The following CPLANE1 variants were observed in gnomAD, a reference collection of about 807,000 sequenced individuals.
CPLANE1 encodes ciliogenesis and planar polarity effector complex subunit 1, also known as ciliogenesis and planar polarity effector 1.
A neutral mutation model predicts 362.5 loss-of-function variants in CPLANE1; 263 were observed. The observed-to-expected ratio is 0.73, with a 90% CI of 0.66 to 0.80. The LOEUF is 0.80. Ranked by LOEUF, CPLANE1 falls within the 30% of genes least tolerant of loss-of-function variation. The probability of loss-of-function intolerance (pLI) is 0.00; values close to 1 mark genes in which losing one functional copy is unlikely to be tolerated. For synonymous variants in CPLANE1, 1,212 were observed against 1,302.6 expected, an observed-to-expected ratio of 0.93 and a Z score of 1.50; for missense variants, 3,461 against 3,793.4, an observed-to-expected ratio of 0.91 and a Z score of 2.30.
intron 8 of CPLANE1, among the ~76,000 whole-genome samples, chr5:37,231,567 T>G (rs1797744179): frequency 6.6e-6 from 1 of 152,092 alleles, no homozygotes; most frequent in Non-Finnish European, 1.5e-5. Flanking sequence ...AATATATATA[T>G]ATTCCTAAAG....
chr5:37,105,382 C>A (rs1337675588), downstream of CPLANE1, among the ~76,000 whole-genome samples: 2 of 152,078 alleles, frequency 1.3e-5, no homozygotes, highest in African/African-American at 4.8e-5. Context: ...TTACAGCCAG[C>A]CCATTTTTGG....
chr5:37,227,510 G>A, intron 10 of CPLANE1, 58 bp downstream of exon 10: 1 of 1,492,802 alleles, frequency 6.7e-7, no homozygotes, highest in Non-Finnish European at 8.9e-7. Context: ...TGTCAGTAAA[G>A]TTTTAAATTT....
rs1471004012 is a variant in CPLANE1 at position 37,167,213 on chromosome 5, A to T, written c.7234T>A (p.Cys2412Ser). 1 of 1,603,110 alleles carries T rather than the reference A, an allele frequency of 6.2e-7. No homozygotes were observed. ...LHSHLSPENR[C>S]KKTQLIPLEN... ...AGTGGGATAAGTTGTGTTTTTTTGC[A>T]CTACAAGAAAGAAACAAAGCATAAG... is the stretch of plus-strand genomic sequence containing the variant. The change falls in exon 35 of 53, where the codon TGC (cysteine) becomes AGC (serine). Residue 2412 changes from cysteine (C) to serine (S), a missense_variant and splice_region_variant. Physicochemically the swap from Cys to Ser is moderately radical, Grantham distance 112. This residue lies in a region of CPLANE1 where 3,380 missense variants were observed against 3,666.1 expected (regional missense o/e 0.92). Transcript: ENST00000651892.
intron 40 of CPLANE1, 30 bp downstream of exon 40, chr5:37,157,640 A>T: frequency 6.3e-7 from 1 of 1,577,100 alleles, no homozygotes; most frequent in Non-Finnish European, 8.7e-7. Context: ...TTTTCAAATT[A>T]TATTTGTTTT....
chr5:37,209,904 G>A lies in CPLANE1; in HGVS notation c.2921-3479C>T. On this transcript the variant is annotated intron_variant, in intron 16 of 52. Coordinates refer to ENST00000651892, the MANE Select transcript of CPLANE1 (RefSeq NM_001384732.1). This position sits in a 1 kb window ranked among gnomAD's most constrained non-coding sequence, Gnocchi z 4.6. ...GGCTGAGAAGCTTCAGCTTATTGAT[G>A]ATCAGTTTGCAGATGCTTACCCTCA... is the stretch of plus-strand genomic sequence containing the variant. 7.0e-7 allele frequency: 1 copy of A among 1,433,014 alleles called. No homozygotes were observed. The highest frequency in any genetic ancestry group is 9.8e-7 in the Non-Finnish European group (1 of 1,016,940). 88.8% of individuals were successfully genotyped at this position (1,433,014 alleles called of 1,614,324 possible).
intron 1 of CPLANE1, among the ~76,000 whole-genome samples, 199 bp downstream of exon 1, chr5:37,249,046 G>T (rs10061109): frequency 0.013 from 2,026 of 152,326 alleles, 45 homozygotes; most frequent in African/African-American, 0.046. Flanking sequence ...GGGAGGCTGG[G>T]GTAGGCCCAG....
At chr5:37,166,029 A>G (rs1561464508) in intron 35 of CPLANE1, among the ~76,000 whole-genome samples, 1 of 152,164 alleles carries the variant, frequency 6.6e-6, no homozygotes, top group Admixed American at 6.5e-5. Context: ...CATTAAGCAC[A>G]CTTAGTCACC....
chr5:37,102,661 A>G (rs925397469), downstream of CPLANE1, among the ~76,000 whole-genome samples: 1 of 152,142 alleles, frequency 6.6e-6, no homozygotes, highest in Non-Finnish European at 1.5e-5. Context: ...TAATTTCATT[A>G]TTTACTCAGG....
rs148234583 is a variant in CPLANE1, at chr5:37,183,463, T to A, written c.4718A>T (p.Asp1573Val). 3 of 1,613,440 alleles carry A rather than the reference T, an allele frequency of 1.9e-6. No individual in the cohort carries two copies. In the South Asian group the frequency reaches 3.3e-5, roughly 18 times the overall value. ...ERDLPYSRDA[D>V]IPFLTSFSGK... The stretch of plus-strand genomic sequence containing the variant: ...AGAAAAACTAGTTAGAAATGGAATG[T>A]CAGCATCCCTGGAATAAGGTAGGTC... The change falls in exon 26 of 53, where the codon GAC becomes GTC. Residue 1573 changes from aspartate to valine, a missense_variant. Physicochemically the swap from Asp to Val is radical, Grantham distance 152. Transcript: ENST00000651892.
intron 51 of CPLANE1, among the ~76,000 whole-genome samples, chr5:37,112,646 T>G (rs777437389): frequency 2.0e-5 from 3 of 152,220 alleles, no homozygotes; most frequent in African/African-American, 4.8e-5. Context: ...CTACAGAGTC[T>G]AGCCTGAGAA....
At chr5:37,214,776 G>A (rs568698367) in intron 15 of CPLANE1, among the ~76,000 whole-genome samples, 1 of 152,324 alleles carries the variant, frequency 6.6e-6, no homozygotes, top group South Asian at 2.1e-4. Context: ...CAATTCTTGT[G>A]TAGTTCTCAT....
At chr5:37,237,571 G>A (rs1296303023) in intron 8 of CPLANE1, among the ~76,000 whole-genome samples, 1 of 152,242 alleles carries the variant, frequency 6.6e-6, no homozygotes, top group East Asian at 1.9e-4. Context: ...CTATGGCCAG[G>A]CACGGTGGCT....
intron 4 of CPLANE1, among the ~76,000 whole-genome samples, chr5:37,244,936 G>C (rs1739012018): frequency 6.6e-6 from 1 of 151,902 alleles, no homozygotes; most frequent in South Asian, 2.1e-4. Flanking sequence ...TGGATCACGA[G>C]GTCAGGAGAT....
Position 37,227,108 on chromosome 5 carries a change from C to G in CPLANE1, c.1522-35G>C, listed in dbSNP as rs555781826. On this transcript the variant is annotated intron_variant, in intron 11 of 52. Transcript: ENST00000651892. ...GAGGGGAAAAAAATGATACTTAATACCATTTAATACCTTATCAATAGCATC... is the reference window on the plus strand; with the variant it reads ...GAGGGGAAAAAAATGATACTTAATAGCATTTAATACCTTATCAATAGCATC... The G allele has an allele frequency of 1.7e-5, 26 of 1,504,930 alleles. No individual in the cohort carries two copies. In the South Asian group the frequency reaches 3.2e-4, roughly 18 times the overall value. The allele number at this position is 1,504,930 out of a possible 1,614,324, so 93.2% of individuals were successfully genotyped here.
At chr5:37,123,088 T>A (rs926269505) in intron 47 of CPLANE1, among the ~76,000 whole-genome samples, 1 of 152,206 alleles carries the variant, frequency 6.6e-6, no homozygotes, top group Non-Finnish European at 1.5e-5. Flanking sequence ...AAGAGCTTGT[T>A]AATAAAGCAG....
In CPLANE1 at chr5:37,107,001, C is replaced by T. The variant is rs1477503546; in HGVS notation, c.*601G>A. 1 of 985,436 alleles carries T rather than the reference C, an allele frequency of 1.0e-6. No homozygotes were observed. The highest frequency in any genetic ancestry group is 1.2e-6 in the Non-Finnish European group (1 of 829,942). The allele number at this position is 985,436 out of a possible 1,614,324, so 61.0% of individuals were successfully genotyped here. A position where few individuals can be genotyped will look rare whatever the true frequency, so the allele number is the denominator to read the frequency against. On this transcript the variant is annotated 3_prime_UTR_variant, in exon 53 of 53. Transcript: ENST00000651892. ...TACTTTCCTGCCCAAAGCATCCATT[C>T]CTGTTTCTTCCTCCAAGGCTTCAGG...
rs986400719 is a variant in CPLANE1, at chr5:37,226,657, G to T, written c.1938C>A (p.Ile646=). The change falls in exon 12 of 53, where the codon ATC becomes ATA. Residue 646 remains isoleucine (I), a synonymous_variant. Coordinates refer to ENST00000651892, the MANE Select transcript of CPLANE1 (RefSeq NM_001384732.1). Reference sequence around the variant, plus strand: ...GTTTGTATCTTATATCCCAATAATGGATTGATAAACACTGATGAAAAAGTT... The same window carrying T: ...GTTTGTATCTTATATCCCAATAATGTATTGATAAACACTGATGAAAAAGTT... ...IFQLFHQCLS[I]HYWDIRYKQD... The T allele has an allele frequency of 1.3e-6, 2 of 1,551,148 alleles. No individual in the cohort carries two copies. The highest frequency in any genetic ancestry group is 2.7e-5 in the African/African-American group (2 of 73,000).
chr5:37,137,038 T>C (rs1404450461), intron 46 of CPLANE1, among the ~76,000 whole-genome samples: 1 of 152,242 alleles, frequency 6.6e-6, no homozygotes, highest in Non-Finnish European at 1.5e-5. Context: ...TGGAAATTTC[T>C]GCACTGAGCT....
At chr5:37,185,607 G>A (rs1458183989) in intron 24 of CPLANE1, among the ~76,000 whole-genome samples, 1 of 151,928 alleles carries the variant, frequency 6.6e-6, no homozygotes. Flanking sequence ...TCAAAAAAAA[G>A]TATTAAGAAA....
Sources: gnomAD v4.1 joint callset for allele counts (sites outside exome capture counted in the v4.1 genomes callset) on GRCh38, gnomAD v4.1.1 for gene constraint, gnomAD v4.1.1 regional missense constraint, Gnocchi (gnomAD v3.1) non-coding constraint, MANE v1.5 for transcripts, NCBI Gene and HGNC (gene_info 2026-07-23, HGNC 2026-07-21) for gene names.